Variants in NOSIP observed in about 807,000 individuals in gnomAD.
NOSIP encodes nitric oxide synthase-interacting protein.
A neutral mutation model predicts 36.4 loss-of-function variants in NOSIP; 25 were observed. The observed-to-expected ratio is 0.69, with a 90% confidence interval of 0.50 to 0.96. NOSIP has a LOEUF of 0.96. Among genes scored for constraint, NOSIP ranks in the 40% least tolerant of loss-of-function variants. NOSIP has a pLI of 0.00. For synonymous variants in NOSIP, 187 were observed against 179.2 expected (o/e 1.04, Z -0.35); for missense variants, 370 against 429.0 (o/e 0.86, Z 1.21).
rs780047341 is a variant in NOSIP at position 49,560,090 on chromosome 19, TGTCC to T, written c.71-55_71-52del. ...TGGAGGGGCGGAGCAACAGGAGACA[TGTCC>T]GTCTCCAAAGCCCCAGAGAGAGGCA... On this transcript the variant is annotated intron_variant, in intron 2 of 8. Coordinates refer to ENST00000596358, the MANE Select transcript of NOSIP (RefSeq NM_001270960.2). The surrounding 1 kb of genome is among the most constrained non-coding windows in gnomAD (Gnocchi z 4.6). The T allele has an allele frequency of 2.4e-6, 3 of 1,251,148 alleles. No individual in the cohort carries two copies. Among genetic ancestry groups the T allele is most frequent in the African/African-American group, 3.0e-5 (2 of 67,624 alleles). The allele number at this position is 1,251,148 out of a possible 1,614,324, so 77.5% of individuals were successfully genotyped here.
chr19:49,569,961 A>C (rs2080463605), intron 1 of NOSIP, among the ~76,000 whole-genome samples: 1 of 150,968 alleles, frequency 6.6e-6, no homozygotes, highest in South Asian at 2.1e-4. Flanking sequence ...AAAATACAAA[A>C]ATGAGCCAGT....
At chr19:49,577,888 A>G (rs754801252) in intron 1 of NOSIP, among the ~76,000 whole-genome samples, 16 of 152,150 alleles carry the variant, frequency 1.1e-4, no homozygotes, top group Non-Finnish European at 1.6e-4. Context: ...TGTGCAAAAT[A>G]CCCAGATTAG....
At chr19:49,569,720 A>T (rs1182717314) in intron 1 of NOSIP, among the ~76,000 whole-genome samples, 5 of 151,800 alleles carry the variant, frequency 3.3e-5, no homozygotes, top group Non-Finnish European at 7.4e-5. Context: ...AGGCAAGAGA[A>T]TTGCTTGAAC....
In NOSIP at chr19:49,566,421, A is replaced by C. The variant is rs183866174; in HGVS notation, c.-1-5729T>G. Among the ~76,000 whole-genome samples the C allele has an allele frequency of 1.6e-3, 250 of 151,898 alleles. 2 individuals are homozygous for C. The highest frequency in any genetic ancestry group is 5.8e-3 in the African/African-American group (241 of 41,412). On this transcript the variant is annotated intron_variant, in intron 1 of 8. Transcript: ENST00000596358. ...ACTCCTGGGCTCAAGTGATCCTCCC[A>C]CCATAGCTTCCCAAGTAGCTGGGAA...
chr19:49,571,556 A>C (rs2080484502), intron 1 of NOSIP, among the ~76,000 whole-genome samples: 1 of 152,186 alleles, frequency 6.6e-6, no homozygotes, highest in Non-Finnish European at 1.5e-5. Flanking sequence ...CTCACAGCAC[A>C]GGAAACAGGC....
In NOSIP at chr19:49,557,394, G is replaced by C. The variant is rs1161327379; in HGVS notation, c.259-145C>G. The C allele has an allele frequency of 4.2e-6, 6 of 1,443,556 alleles. No homozygotes were observed. In the East Asian group the frequency reaches 1.2e-4, roughly 30 times the overall value. 89.4% of individuals were successfully genotyped at this position (1,443,556 alleles called of 1,614,324 possible). On this transcript the variant is annotated intron_variant, in intron 4 of 8. Transcript: ENST00000596358. ...CAGAGGGTGGTAACTGCCACCCTGG[G>C]TGGGTGTGAACCTTACTGCGTTGTA...
intron 4 of NOSIP, chr19:49,558,690 C>T: frequency 1.6e-6 from 1 of 627,698 alleles, no homozygotes; most frequent in South Asian, 1.9e-5. Flanking sequence ...GAAGAGGTGA[C>T]TGGGGCAGAT....
At chr19:49,563,001 G>A (rs2080356046) in intron 1 of NOSIP, among the ~76,000 whole-genome samples, 1 of 152,186 alleles carries the variant, frequency 6.6e-6, no homozygotes, top group African/African-American at 2.4e-5. Flanking sequence ...TTCCAGCAAC[G>A]TAAATGTGTA....
At chr19:49,576,338 A>G (rs1270268077) in intron 1 of NOSIP, among the ~76,000 whole-genome samples, 1 of 151,746 alleles carries the variant, frequency 6.6e-6, no homozygotes, top group African/African-American at 2.4e-5. Context: ...ACCAAAAAAA[A>G]GCAGCAGCAG....
In NOSIP at chr19:49,564,463, A is replaced by C. The variant is rs1191132144; in HGVS notation, c.-1-3771T>G. ...AGCGAGACTCCATCTCAAAAAAAAA[A>C]AAAAAAAAAAAAACAAAATAAAACT... On this transcript the variant is annotated intron_variant, in intron 1 of 8. Transcript: ENST00000596358. 5.3e-5 allele frequency among the ~76,000 whole-genome samples: 8 copies of C among 151,490 alleles called. No homozygotes were observed. In the East Asian group the frequency reaches 5.8e-4, roughly 11 times the overall value.
rs1449499933 is a variant in NOSIP, at chr19:49,560,721, G to C, written c.-1-29C>G. ...GGGAGGAAGGGACAGTGGCAGGACT[G>C]TGGTTACCGGAGGCAGGCAGCACAG... On this transcript the variant is annotated intron_variant, in intron 1 of 8. Coordinates refer to ENST00000596358, the MANE Select transcript of NOSIP (RefSeq NM_001270960.2). This position sits in a 1 kb window ranked among gnomAD's most constrained non-coding sequence, Gnocchi z 4.6. 6.5e-7 allele frequency: 1 copy of C among 1,544,400 alleles called. No individual in the cohort carries two copies. Among genetic ancestry groups the C allele is most frequent in the Non-Finnish European group, 8.8e-7 (1 of 1,134,958 alleles).
intron 1 of NOSIP, among the ~76,000 whole-genome samples, chr19:49,565,074 G>A (rs1030364044): frequency 2.6e-5 from 4 of 152,092 alleles, no homozygotes; most frequent in Non-Finnish European, 4.4e-5. Flanking sequence ...CCAGGAGTTT[G>A]AGACCAGCCT....
chr19:49,565,385 C>A (rs1362150971), intron 1 of NOSIP, among the ~76,000 whole-genome samples: 1 of 151,920 alleles, frequency 6.6e-6, no homozygotes, highest in East Asian at 1.9e-4. Context: ...GTGCTGGTTA[C>A]ATGGGTGTGT....
chr19:49,559,722 T>G, intron 3 of NOSIP: 3 of 571,594 alleles, frequency 5.2e-6, no homozygotes, highest in Non-Finnish European at 6.4e-6. Context: ...CTACACCCCA[T>G]TAGAAGTATG....
At chr19:49,578,588 T>A (rs557478722) in intron 1 of NOSIP, among the ~76,000 whole-genome samples, 1 of 152,118 alleles carries the variant, frequency 6.6e-6, no homozygotes, top group East Asian at 1.9e-4. Context: ...GGAGGATCGC[T>A]TAAGCCCAGG....
At position 49,556,997 on chromosome 19, in the gene NOSIP, T is replaced by TG; in HGVS notation, c.419-5dup. ...CTGGGCCCAGGTTGGACATCATCTG[T>TG]GGGGGAAGGAAGGGACTCAGATGCC... On this transcript the variant is annotated splice_region_variant and splice_polypyrimidine_tract_variant and intron_variant, in intron 5 of 8. Transcript: ENST00000596358. 1 of 1,604,830 alleles carries TG rather than the reference T, an allele frequency of 6.2e-7. No homozygotes were observed. The highest frequency in any genetic ancestry group is 8.5e-7 in the Non-Finnish European group (1 of 1,175,404).
chr19:49,573,890 C>T (rs2080518845), intron 1 of NOSIP, among the ~76,000 whole-genome samples: 1 of 144,850 alleles, frequency 6.9e-6, no homozygotes, highest in African/African-American at 2.6e-5. Flanking sequence ...GACGGAGTCT[C>T]ACTCTGTCAC....
chr19:49,557,363 A>G (rs985876638), intron 4 of NOSIP, 114 bp from the exon 5 acceptor site: 30 of 1,457,728 alleles, frequency 2.1e-5, no homozygotes, highest in Non-Finnish European at 2.7e-5. Context: ...TGGAGGCACT[A>G]TGTGGCAGAG....
At chr19:49,559,862 C>T (rs909549010) in intron 3 of NOSIP, 72 bp downstream of exon 3, 30 of 1,128,126 alleles carry the variant, frequency 2.7e-5, no homozygotes, top group East Asian at 7.7e-5. Context: ...GCCAGACCCA[C>T]GCACACAGCC....
Sources: gnomAD v4.1 joint callset for allele counts (sites outside exome capture counted in the v4.1 genomes callset) on GRCh38, gnomAD v4.1.1 for gene constraint, Gnocchi (gnomAD v3.1) non-coding constraint, MANE v1.5 for transcripts, NCBI Gene and HGNC (gene_info 2026-07-23, HGNC 2026-07-21) for gene names.